The following PTPN9 variants were observed in gnomAD, a reference collection of about 807,000 sequenced individuals.
PTPN9 encodes the protein protein tyrosine phosphatase non-receptor type 9.
Under a neutral mutation model 69.8 loss-of-function variants are expected in PTPN9, and 26 were observed. The observed-to-expected ratio is 0.37, with a 90% CI of 0.27 to 0.52. PTPN9 has a LOEUF of 0.52. Among genes scored for constraint, PTPN9 ranks in the 20% least tolerant of loss-of-function variants. PTPN9 has a pLI of 0.91. For missense variants in PTPN9, 549 were observed against 740.3 expected, an observed-to-expected ratio of 0.74 and a Z score of 3.00; for synonymous variants, 274 against 272.5, an observed-to-expected ratio of 1.01 and a Z score of -0.05.
At chr15:75,488,419 AG>A (rs1453148468) in intron 8 of PTPN9, among the ~76,000 whole-genome samples, 1 of 152,080 alleles carries the variant, frequency 6.6e-6, no homozygotes, top group Non-Finnish European at 1.5e-5. Context: ...GTATATCAGA[AG>A]GGAAAAAAAG....
intron 5 of PTPN9, 150 bp from the exon 6 acceptor site, chr15:75,509,177 T>G: frequency 5.0e-6 from 3 of 603,496 alleles, no homozygotes. Flanking sequence ...AGAGGAAAAG[T>G]GGTTAAACAA....
chr15:75,517,370 A>G lies in PTPN9; in HGVS notation c.423-6T>C. 4 of 1,607,102 alleles carry G rather than the reference A, an allele frequency of 2.5e-6. No homozygotes were observed. Among genetic ancestry groups the G allele is most frequent in the Non-Finnish European group, 2.6e-6 (3 of 1,175,060 alleles). On this transcript the variant is annotated splice_polypyrimidine_tract_variant and splice_region_variant and intron_variant, in intron 4 of 12. Coordinates refer to ENST00000618819, the MANE Select transcript of PTPN9 (RefSeq NM_002833.4). The stretch of plus-strand genomic sequence containing the variant: ...CATTCCTCTGAGTTTCAAAGCTGTA[A>G]ATCAACCATTGAACAAAAACATTTG...
At chr15:75,504,685 A>T (rs565516854) in intron 7 of PTPN9, among the ~76,000 whole-genome samples, 1 of 130,762 alleles carries the variant, frequency 7.6e-6, no homozygotes, top group Admixed American at 7.6e-5. Flanking sequence ...TCCGGGAGGG[A>T]GGTGGGGGGG....
chr15:75,573,716 T>C (rs2075159238), intron 1 of PTPN9, among the ~76,000 whole-genome samples: 1 of 152,224 alleles, frequency 6.6e-6, no homozygotes, highest in South Asian at 2.1e-4. Context: ...TGTCAGTCAT[T>C]ATGCTAGGCA....
intron 7 of PTPN9, among the ~76,000 whole-genome samples, chr15:75,497,453 C>T (rs371109584): frequency 3.9e-5 from 6 of 152,146 alleles, no homozygotes; most frequent in African/African-American, 1.4e-4. Context: ...GACAGTGCCA[C>T]TGCACCTGCA....
At chr15:75,509,477 T>C (rs1025637219) in intron 5 of PTPN9, among the ~76,000 whole-genome samples, 10 of 152,120 alleles carry the variant, frequency 6.6e-5, no homozygotes, top group Non-Finnish European at 1.3e-4. Context: ...TCACCAGAGG[T>C]TGGGAGTTCA....
Position 75,504,479 on chromosome 15 carries a change from T to TG in PTPN9, c.968+1195dup, listed in dbSNP as rs1370749699. On this transcript the variant is annotated intron_variant, in intron 7 of 12. Transcript: ENST00000618819. The stretch of plus-strand genomic sequence containing the variant: ...CCAGCCGCCCGGTCCGGGAGGGAGG[T>TG]GGAGGGGTCAGCCCCACGTCCGGGA... 1.1e-4 allele frequency among the ~76,000 whole-genome samples: 11 copies of TG among 100,620 alleles called. 1 individual carries two copies. Among genetic ancestry groups the TG allele is most frequent in the African/African-American group, 2.4e-4 (6 of 24,936 alleles). The allele number at this position is 100,620 out of a possible 152,430, so 66.0% of individuals were successfully genotyped here. A position where few individuals can be genotyped will look rare whatever the true frequency, so the allele number is the denominator to read the frequency against.
At chr15:75,548,076 G>C (rs1595967318) in intron 1 of PTPN9, among the ~76,000 whole-genome samples, 1 of 152,096 alleles carries the variant, frequency 6.6e-6, no homozygotes, top group East Asian at 1.9e-4. Flanking sequence ...CTATATTACA[G>C]TTGAGAAAAC....
chr15:75,471,105 C>G (rs1186149903), intron 10 of PTPN9, among the ~76,000 whole-genome samples: 3 of 152,176 alleles, frequency 2.0e-5, no homozygotes, highest in African/African-American at 7.2e-5. Context: ...TAGTACGTCT[C>G]ACATATGTGG....
At chr15:75,505,089 G>A (rs1399668217) in intron 7 of PTPN9, among the ~76,000 whole-genome samples, 2 of 152,176 alleles carry the variant, frequency 1.3e-5, no homozygotes, top group Admixed American at 6.5e-5. Flanking sequence ...AGACATGGGA[G>A]ACTTTTCATT....
intron 8 of PTPN9, among the ~76,000 whole-genome samples, chr15:75,486,407 C>T (rs968787430): frequency 2.0e-5 from 3 of 152,124 alleles, no homozygotes; most frequent in Non-Finnish European, 4.4e-5. Context: ...TCCCCTTCTG[C>T]CATGTGAGGA....
chr15:75,519,410 G>C (rs2074890730), intron 4 of PTPN9, among the ~76,000 whole-genome samples: 1 of 150,940 alleles, frequency 6.6e-6, no homozygotes, highest in South Asian at 2.1e-4. Context: ...CAGCCTCAAA[G>C]TTATTTTGTA....
At chr15:75,490,174 A>G (rs1225055381) in intron 8 of PTPN9, 34 bp downstream of exon 8, 2 of 1,462,722 alleles carry the variant, frequency 1.4e-6, no homozygotes, top group Admixed American at 3.4e-5. Context: ...TATTTCCCCC[A>G]GTGCACCTAA....
intron 1 of PTPN9, among the ~76,000 whole-genome samples, chr15:75,536,303 A>T (rs1567510155): frequency 6.6e-6 from 1 of 152,222 alleles, no homozygotes; most frequent in Non-Finnish European, 1.5e-5. Context: ...GCCTTTCGCT[A>T]AGATCAAGTG....
rs1456366733 is a variant in PTPN9 at position 75,481,159 on chromosome 15, C to A, written c.1063-1245G>T. On this transcript the variant is annotated intron_variant, in intron 8 of 12. Transcript: ENST00000618819. The stretch of plus-strand genomic sequence containing the variant: ...GATGTGAGGAGCGCCTCTGCCCGGC[C>A]GAGACCCCCTCTGGGAGGTGAGGAG... Among the ~76,000 whole-genome samples the A allele has an allele frequency of 2.5e-4, 18 of 72,216 alleles. 1 individual carries two copies. Among genetic ancestry groups the A allele is most frequent in the Admixed American group, 1.2e-3 (8 of 6,544 alleles). 47.4% of individuals were successfully genotyped at this position (72,216 alleles called of 152,430 possible).
intron 1 of PTPN9, among the ~76,000 whole-genome samples, chr15:75,537,842 T>A (rs2074991474): frequency 6.7e-6 from 1 of 149,672 alleles, no homozygotes; most frequent in Admixed American, 6.7e-5. Flanking sequence ...GCGGATCACC[T>A]GAGGTCAGGC....
In PTPN9 at chr15:75,464,566, C is replaced by G. The variant is rs968861291; in HGVS notation, c.*4203G>C. ...TCATCTAGTGTAGCCCCTTCTTTTA[C>G]AGAGGGAACCTAGGACTTGGGTTTG... On this transcript the variant is annotated 3_prime_UTR_variant, in exon 13 of 13. Transcript: ENST00000618819. The G allele has an allele frequency of 6.6e-6, 1 of 152,098 alleles. No homozygotes were observed. Among genetic ancestry groups the G allele is most frequent in the Non-Finnish European group, 1.5e-5 (1 of 68,028 alleles). 9.4% of individuals were successfully genotyped at this position (152,098 alleles called of 1,614,324 possible).
intron 4 of PTPN9, among the ~76,000 whole-genome samples, chr15:75,520,484 G>GATAGATAGATAA (rs1567500031): frequency 9.6e-5 from 6 of 62,810 alleles, no homozygotes; most frequent in African/African-American, 3.2e-4. Context: ...ATAGATAGAT[G>GATAGATAGATAA]TGTGTGTGTT....
At chr15:75,573,958 G>C (rs1233584172) in intron 1 of PTPN9, among the ~76,000 whole-genome samples, 1 of 152,162 alleles carries the variant, frequency 6.6e-6, no homozygotes, top group Non-Finnish European at 1.5e-5. Flanking sequence ...TAACAAAGGG[G>C]GGTGTTTCCA....
Sources: gnomAD v4.1 joint callset for allele counts (sites outside exome capture counted in the v4.1 genomes callset) on GRCh38, gnomAD v4.1.1 for gene constraint, MANE v1.5 for transcripts, NCBI Gene and HGNC (gene_info 2026-07-23, HGNC 2026-07-21) for gene names.